Variants in PPP2R1B observed in about 807,000 individuals in gnomAD.
The protein encoded by PPP2R1B is serine/threonine-protein phosphatase 2A 65 kDa regulatory subunit A beta isoform.
In PPP2R1B, 58 loss-of-function variants were observed where a neutral mutation model predicts 72.7. The ratio of observed to expected loss-of-function variants is 0.80; its 90% CI spans 0.65 to 0.99. PPP2R1B has a LOEUF of 0.99. Among genes scored for constraint, PPP2R1B ranks in the 50% least tolerant of loss-of-function variants. The probability of loss-of-function intolerance (pLI) is 0.00; values close to 1 mark genes in which losing one functional copy is unlikely to be tolerated. For synonymous variants in PPP2R1B, 256 were observed against 264.6 expected (o/e 0.97, Z 0.32); for missense variants, 695 against 733.6 (o/e 0.95, Z 0.61).
At chr11:111,756,826 G>T (rs1268034805) in intron 5 of PPP2R1B, among the ~76,000 whole-genome samples, 1 of 152,098 alleles carries the variant, frequency 6.6e-6, no homozygotes, top group Non-Finnish European at 1.5e-5. Flanking sequence ...AGACAAATCA[G>T]TGAGGGGCCA....
At chr11:111,723,942 G>A (rs777894052), downstream of PPP2R1B, 1 of 1,614,020 alleles carries the variant, frequency 6.2e-7, no homozygotes, top group Non-Finnish European at 8.5e-7. Flanking sequence ...CCCACTCCCT[G>A]TCAGTATCCT....
At chr11:111,723,973 CGACCTAACG>C (rs1943888075), downstream of PPP2R1B, 10 of 1,614,158 alleles carry the variant, frequency 6.2e-6, no homozygotes, top group Non-Finnish European at 8.5e-6. Context: ...CCCAGCAGAG[CGACCTAACG>C]GGGCCAGACT....
At position 111,755,454 on chromosome 11, in the gene PPP2R1B, A is replaced by C. The variant is rs1555049343; in HGVS notation, c.688-4T>G. ...CAGCAAGGAGGCGCACTGAATCCTA[A>C]AGGAACAAAATTTCTGTAATTCAGA... On this transcript the variant is annotated splice_region_variant and splice_polypyrimidine_tract_variant and intron_variant, in intron 5 of 14. Transcript: ENST00000527614. 6.3e-7 allele frequency: 1 copy of C among 1,595,026 alleles called. No homozygotes were observed. Among genetic ancestry groups the C allele is most frequent in the African/African-American group, 1.4e-5 (1 of 73,742 alleles).
At chr11:111,735,505 C>T (rs967656380), downstream of PPP2R1B, among the ~76,000 whole-genome samples, 36 of 152,210 alleles carry the variant, frequency 2.4e-4, no homozygotes, top group Non-Finnish European at 4.3e-4. Flanking sequence ...CTGCCGGACC[C>T]GCGGCAGCAA....
At chr11:111,730,123 A>ATAAC (rs1230760091) in intron 15 of PPP2R1B, 3 of 152,258 alleles carry the variant, frequency 2.0e-5, no homozygotes, top group Non-Finnish European at 4.4e-5. Context: ...TAAAAAAGTA[A>ATAAC]TAACAGACTT....
downstream of PPP2R1B, chr11:111,726,134 A>G (rs1943958017): frequency 6.6e-6 from 1 of 152,202 alleles, no homozygotes; most frequent in Non-Finnish European, 1.5e-5. Context: ...ATTTGTTTAG[A>G]CTGAAGGAAG....
the PPP2R1B span, among the ~76,000 whole-genome samples, chr11:111,712,022 G>A: frequency 2.2e-4 from 33 of 152,298 alleles, no homozygotes; most frequent in African/African-American, 7.2e-4. Flanking sequence ...CAGAGTAACC[G>A]ATTGCTGAGT....
At chr11:111,717,317 CAAAAAAAAAAAAAAA>C in the PPP2R1B span, among the ~76,000 whole-genome samples, 1 of 49,464 alleles carries the variant, frequency 2.0e-5, no homozygotes, top group African/African-American at 7.3e-5. Flanking sequence ...GACTCCGTCT[CAAAAAAAAAAAAAAA>C]AAAAAAAAAA....
intron 10 of PPP2R1B, among the ~76,000 whole-genome samples, chr11:111,751,641 T>C (rs1944910772): frequency 6.6e-6 from 1 of 152,184 alleles, no homozygotes; most frequent in African/African-American, 2.4e-5. Flanking sequence ...CCCAAGCGTA[T>C]TTAGATGAGG....
the PPP2R1B span, among the ~76,000 whole-genome samples, chr11:111,700,054 G>A: frequency 3.9e-5 from 6 of 152,184 alleles, no homozygotes; most frequent in South Asian, 1.0e-3. Flanking sequence ...TTGTTTCTTC[G>A]GTAAGAATAT....
the PPP2R1B span, chr11:111,705,057 A>G: frequency 6.2e-7 from 1 of 1,611,460 alleles, no homozygotes; most frequent in Non-Finnish European, 8.5e-7. This position sits in a 1 kb window ranked among gnomAD's most constrained non-coding sequence, Gnocchi z 4.3. Context: ...CTGAAATCAC[A>G]TCGGAGCAGT....
the PPP2R1B span, among the ~76,000 whole-genome samples, chr11:111,713,147 A>G: frequency 2.6e-5 from 4 of 152,268 alleles, no homozygotes; most frequent in African/African-American, 9.6e-5. Flanking sequence ...CCTGGGTGAC[A>G]GAGTGAGACT....
the PPP2R1B span, among the ~76,000 whole-genome samples, chr11:111,696,482 G>A: frequency 1.3e-5 from 2 of 152,160 alleles, 1 homozygote; most frequent in Admixed American, 1.3e-4. Flanking sequence ...ATGAAGCCAC[G>A]TGGCATGGCA....
chr11:111,703,419 T>C, the PPP2R1B span: 42 of 1,613,404 alleles, frequency 2.6e-5, no homozygotes, highest in Admixed American at 3.3e-5. Context: ...CAGAAAACCA[T>C]TGAGGTAAAG....
intron 10 of PPP2R1B, among the ~76,000 whole-genome samples, chr11:111,749,574 T>C (rs1555047299): frequency 2.0e-5 from 3 of 152,132 alleles, no homozygotes; most frequent in African/African-American, 7.2e-5. Context: ...CGTGAGCCAC[T>C]ACGCCTGGCC....
At position 111,729,611 on chromosome 11, in the gene PPP2R1B, T is replaced by G. The variant is rs369880592; in HGVS notation, c.1912-2554A>C. The G allele has an allele frequency of 2.3e-4, 35 of 152,420 alleles. No homozygotes were observed. In the East Asian group the frequency reaches 5.8e-3, roughly 25 times the overall value. 9.4% of individuals were successfully genotyped at this position (152,420 alleles called of 1,614,324 possible). On this transcript the variant is annotated intron_variant, in intron 15 of 15. Transcript: ENST00000311129. ...GCTTCTAGTGCTGGAAGAAGCCCTC[T>G]CTTTCCCTTCTCTTTCCTCAGTAGC...
At chr11:111,748,921 A>C (rs1944800363) in intron 10 of PPP2R1B, among the ~76,000 whole-genome samples, 1 of 151,768 alleles carries the variant, frequency 6.6e-6, no homozygotes, top group Admixed American at 6.6e-5. Flanking sequence ...ATCTCAGCTC[A>C]CTGCAACCTC....
chr11:111,765,479 G>T (rs45555631), intron 1 of PPP2R1B, 95 bp from the exon 2 acceptor site: 11,224 of 976,788 alleles, frequency 0.011, 97 homozygotes, highest in Non-Finnish European at 0.015. Context: ...TTATGACACA[G>T]GGGTAAGAAT....
At chr11:111,722,892 A>C (rs147261604), downstream of PPP2R1B, 1 of 727,382 alleles carries the variant, frequency 1.4e-6, no homozygotes, top group African/African-American at 1.8e-5. This position sits in a 1 kb window ranked among gnomAD's most constrained non-coding sequence, Gnocchi z 4.4. Context: ...AGGCCCTCTG[A>C]GCACGATTAC....
Sources: gnomAD v4.1 joint callset for allele counts (sites outside exome capture counted in the v4.1 genomes callset) on GRCh38, gnomAD v4.1.1 for gene constraint, Gnocchi (gnomAD v3.1) non-coding constraint, MANE v1.5 for transcripts, NCBI Gene and HGNC (gene_info 2026-07-23, HGNC 2026-07-21) for gene names.